IGSF10: variants seen among roughly 807,000 people sequenced by gnomAD.
IGSF10 encodes calvaria mechanical force protein 608.
Under a neutral mutation model 128.2 loss-of-function variants are expected in IGSF10, and 126 were observed. The observed-to-expected ratio is 0.98, with a 90% CI of 0.85 to 1.14. IGSF10 has a LOEUF of 1.14. Among genes scored for constraint, IGSF10 ranks in the 50% most tolerant of loss-of-function variants. The pLI is 0.00. For synonymous variants in IGSF10, 1,185 were observed against 1,146.2 expected (o/e 1.03, Z -0.68); for missense variants, 3,295 against 3,149.8 (o/e 1.05, Z -1.10).
the IGSF10 span, among the ~76,000 whole-genome samples, chr3:151,553,620 GTC>G: frequency 3.8e-3 from 553 of 145,322 alleles, 5 homozygotes; most frequent in African/African-American, 0.013. Context: ...CTGTGTCTCT[GTC>G]TCTCTCTCTT....
chr3:151,502,216 T>TC, the IGSF10 span, among the ~76,000 whole-genome samples: 14 of 152,106 alleles, frequency 9.2e-5, no homozygotes, highest in Admixed American at 2.0e-4. Context: ...TCTTTTTTTT[T>TC]CATTATGTTA....
the IGSF10 span, among the ~76,000 whole-genome samples, chr3:151,574,180 T>A: frequency 6.6e-6 from 1 of 152,214 alleles, no homozygotes; most frequent in African/African-American, 2.4e-5. Flanking sequence ...TTGTTGCACC[T>A]GACAATTATG....
intron 7 of IGSF10, among the ~76,000 whole-genome samples, chr3:151,439,701 C>T (rs1720721835): frequency 6.6e-6 from 1 of 152,238 alleles, no homozygotes; most frequent in East Asian, 1.9e-4. Flanking sequence ...GGCAGCTGTA[C>T]AGTGACTAGT....
At chr3:151,471,674 T>C in the IGSF10 span, among the ~76,000 whole-genome samples, 1 of 152,226 alleles carries the variant, frequency 6.6e-6, no homozygotes, top group African/African-American at 2.4e-5. Flanking sequence ...GGAACCCCCA[T>C]CAAAAATTGA....
At position 151,438,107 on chromosome 3, in the gene IGSF10, T is replaced by G. The variant is rs762573639; in HGVS notation, c.6454A>C (p.Arg2152=). 6.2e-7 allele frequency: 1 copy of G among 1,614,210 alleles called. No individual in the cohort carries two copies. The highest frequency in any genetic ancestry group is 8.5e-7 in the Non-Finnish European group (1 of 1,180,036). ...RIRQSNKTNK[R]IKAGDTAVLD... ...ACAGCTGTGTCTCCAGCTTTGATTCTCTTGTTGGTTTTGTTACTCTGCCTT... is the reference window on the plus strand; with the variant it reads ...ACAGCTGTGTCTCCAGCTTTGATTCGCTTGTTGGTTTTGTTACTCTGCCTT... Residue 2152 remains arginine (R), a synonymous_variant, in exon 8 of 8, where the codon AGA becomes CGA. Coordinates refer to ENST00000282466, the MANE Select transcript of IGSF10 (RefSeq NM_178822.5).
At chr3:151,482,897 G>C in the IGSF10 span, among the ~76,000 whole-genome samples, 8 of 57,640 alleles carry the variant, frequency 1.4e-4, no homozygotes, top group African/African-American at 5.7e-4. Flanking sequence ...TACAGTCTAA[G>C]TGTTTTTTTG....
chr3:151,565,057 A>G, the IGSF10 span, among the ~76,000 whole-genome samples: 1 of 152,198 alleles, frequency 6.6e-6, no homozygotes, highest in Non-Finnish European at 1.5e-5. Context: ...TCAGTCAGGC[A>G]ATCTGGTTCT....
At position 151,461,023 on chromosome 3, in the gene IGSF10, T is replaced by C; in HGVS notation, c.-166A>G. ...TCGGTCCCGGGCTCAGCTGCTGGGGTCGTGCGGAGCTGGTCCGGAGCTCTG... is the reference window on the plus strand; with the variant it reads ...TCGGTCCCGGGCTCAGCTGCTGGGGCCGTGCGGAGCTGGTCCGGAGCTCTG... On this transcript the variant is annotated 5_prime_UTR_variant, in exon 1 of 8. Coordinates refer to ENST00000282466, the MANE Select transcript of IGSF10 (RefSeq NM_178822.5). 1 of 984,618 alleles carries C rather than the reference T, an allele frequency of 1.0e-6. No individual in the cohort carries two copies. Among genetic ancestry groups the C allele is most frequent in the Non-Finnish European group, 1.2e-6 (1 of 829,764 alleles). 61.0% of individuals were successfully genotyped at this position (984,618 alleles called of 1,614,324 possible). A position where few individuals can be genotyped will look rare whatever the true frequency, so the allele number is the denominator to read the frequency against.
At position 151,458,612 on chromosome 3, in the gene IGSF10, C is replaced by T. The variant is rs746880269; in HGVS notation, c.98G>A (p.Cys33Tyr). 2 of 1,614,168 alleles carry T rather than the reference C, an allele frequency of 1.2e-6. No homozygotes were observed. Among genetic ancestry groups the T allele is most frequent in the Admixed American group, 1.7e-5 (1 of 60,022 alleles). ...TACCTCCGTAGGCATATAACAGGCA[C>T]AGCGGCGAGGACAGGCCTTGCCCCC... ...TPGGKACPRRCACYMPTEVHC... is the reference protein window; with the variant it reads ...TPGGKACPRRYACYMPTEVHC... Residue 33 changes from cysteine to tyrosine, a missense_variant, in exon 3 of 8, where the codon TGT becomes TAT. By Grantham distance (194) the Cys-to-Tyr change is radical. Transcript: ENST00000282466.
the IGSF10 span, among the ~76,000 whole-genome samples, chr3:151,607,269 G>A: frequency 2.0e-5 from 3 of 152,118 alleles, no homozygotes; most frequent in Non-Finnish European, 4.4e-5. Flanking sequence ...AAGAGTCAAG[G>A]CTACTTGAAC....
rs759766566 is a variant in IGSF10, at chr3:151,448,463, G to A, written c.1518C>T (p.His506=). ...NCPGQGDPTP[H]VDWLLADGSK... ...TTCCATCAGCTAGAAGCCAATCCACGTGTGGGGTGGGGTCTCCTTGGCCTG... is the reference window on the plus strand; with the variant it reads ...TTCCATCAGCTAGAAGCCAATCCACATGTGGGGTGGGGTCTCCTTGGCCTG... The change falls in exon 6 of 8, where the codon CAC becomes CAT. Residue 506 remains histidine (H), a synonymous_variant. Transcript: ENST00000282466. The A allele has an allele frequency of 5.1e-5, 82 of 1,614,052 alleles. 1 individual carries two copies. The highest frequency in any genetic ancestry group is 3.4e-4 in the South Asian group (31 of 91,084).
chr3:151,526,482 A>G, the IGSF10 span, among the ~76,000 whole-genome samples: 5 of 152,208 alleles, frequency 3.3e-5, no homozygotes, highest in African/African-American at 9.6e-5. Flanking sequence ...AACTTTTTAA[A>G]CTGGGAAGTC....
chr3:151,438,786 T>TAC (rs543713613), intron 7 of IGSF10, among the ~76,000 whole-genome samples, 189 bp from the exon 8 acceptor site: 4 of 150,894 alleles, frequency 2.7e-5, no homozygotes, highest in Admixed American at 6.6e-5. Flanking sequence ...TGTATATATA[T>TAC]ACACATATTT....
the IGSF10 span, among the ~76,000 whole-genome samples, chr3:151,509,705 G>T: frequency 6.6e-6 from 1 of 152,236 alleles, no homozygotes; most frequent in Non-Finnish European, 1.5e-5. Flanking sequence ...AGTGCAAGGG[G>T]TTGGGAATTC....
At chr3:151,474,573 T>G in the IGSF10 span, among the ~76,000 whole-genome samples, 2 of 152,206 alleles carry the variant, frequency 1.3e-5, no homozygotes, top group South Asian at 4.1e-4. Context: ...ACACTCCAAA[T>G]GAGGACTAGG....
intron 5 of IGSF10, among the ~76,000 whole-genome samples, chr3:151,452,721 A>G (rs1433023893): frequency 6.6e-6 from 1 of 152,146 alleles, no homozygotes; most frequent in Non-Finnish European, 1.5e-5. Context: ...GAAAGGCAAA[A>G]GACTTCTAAT....
chr3:151,558,096 T>C, the IGSF10 span, among the ~76,000 whole-genome samples: 1 of 135,066 alleles, frequency 7.4e-6, no homozygotes, highest in Non-Finnish European at 1.6e-5. Flanking sequence ...GGATAGATTC[T>C]ATTTTTCATG....
At chr3:151,450,327 G>A (rs1273226603) in intron 5 of IGSF10, among the ~76,000 whole-genome samples, 1 of 152,128 alleles carries the variant, frequency 6.6e-6, no homozygotes, top group Non-Finnish European at 1.5e-5. Flanking sequence ...ATGATGCACT[G>A]GACATGGCAC....
chr3:151,437,371 A>C lies in IGSF10; in HGVS notation c.7190T>G (p.Ile2397Ser), dbSNP rs1420118254. 6.2e-7 allele frequency: 1 copy of C among 1,614,102 alleles called. No homozygotes were observed. The highest frequency in any genetic ancestry group is 2.2e-5 in the East Asian group (1 of 44,888). The change falls in exon 8 of 8, where the codon ATC becomes AGC. Residue 2397 changes from isoleucine to serine, a missense_variant. Transcript: ENST00000282466. ...QYLIASNGSF[I>S]ISKTTREDAG... ...ATCCTCCCGAGTTGTTTTAGAAATGATAAAAGAACCATTGCTTGCTATCAG... is the reference window on the plus strand; with the variant it reads ...ATCCTCCCGAGTTGTTTTAGAAATGCTAAAAGAACCATTGCTTGCTATCAG...
Sources: gnomAD v4.1 joint callset for allele counts (sites outside exome capture counted in the v4.1 genomes callset) on GRCh38, gnomAD v4.1.1 for gene constraint, MANE v1.5 for transcripts, NCBI Gene and HGNC (gene_info 2026-07-23, HGNC 2026-07-21) for gene names.